RGS6: variants seen among roughly 807,000 people sequenced by gnomAD.
RGS6 encodes regulator of G-protein signaling 6.
In RGS6, 30 loss-of-function variants were observed where a neutral mutation model predicts 78.5. That is an observed-to-expected ratio of 0.38 (90% CI 0.29 to 0.52). The LOEUF (loss-of-function observed/expected upper bound fraction) is 0.52, where lower values mean the gene tolerates loss of function less well. Ranked by LOEUF, RGS6 falls within the 20% of genes least tolerant of loss-of-function variation. RGS6 has a pLI of 0.85. For synonymous variants in RGS6, 206 were observed against 206.0 expected, an observed-to-expected ratio of 1.00 and a Z score of 0.00; for missense variants, 495 against 609.7, an observed-to-expected ratio of 0.81 and a Z score of 1.98.
intron 2 of RGS6, among the ~76,000 whole-genome samples, chr14:72,212,731 A>G (rs930794237): frequency 1.3e-5 from 2 of 152,168 alleles, no homozygotes; most frequent in African/African-American, 4.8e-5. Flanking sequence ...GTGATTCTCT[A>G]GTCTTGTAGT....
the RGS6 span, among the ~76,000 whole-genome samples, chr14:72,584,925 T>C: frequency 6.6e-6 from 1 of 152,116 alleles, no homozygotes; most frequent in Non-Finnish European, 1.5e-5. Flanking sequence ...GAGGATTGCA[T>C]TGAACCAAGC....
the RGS6 span, among the ~76,000 whole-genome samples, chr14:72,605,424 G>T: frequency 6.6e-6 from 1 of 152,212 alleles, no homozygotes; most frequent in Non-Finnish European, 1.5e-5. Context: ...CTTTAATGAG[G>T]CTCACAGCTG....
chr14:72,302,788 C>A (rs1372931542), intron 2 of RGS6, among the ~76,000 whole-genome samples: 2 of 152,126 alleles, frequency 1.3e-5, no homozygotes, highest in African/African-American at 4.8e-5. Context: ...TTGGCTGTCC[C>A]CAGCCAGATC....
At chr14:72,391,397 T>C (rs1482025596) in intron 3 of RGS6, among the ~76,000 whole-genome samples, 2 of 152,212 alleles carry the variant, frequency 1.3e-5, no homozygotes, top group Non-Finnish European at 2.9e-5. Context: ...CATCATCGTA[T>C]GTGAGTTAGT....
intron 2 of RGS6, among the ~76,000 whole-genome samples, chr14:72,121,836 C>T (rs186793754): frequency 6.6e-6 from 1 of 152,234 alleles, no homozygotes; most frequent in East Asian, 1.9e-4. Flanking sequence ...TTTGTGTTCC[C>T]AGTGTCTGCA....
intron 3 of RGS6, among the ~76,000 whole-genome samples, chr14:72,380,915 C>A (rs2085912203): frequency 6.6e-6 from 1 of 152,122 alleles, no homozygotes; most frequent in South Asian, 2.1e-4. Context: ...ATGGAATCAA[C>A]CTAGGGTGTC....
At chr14:72,156,740 T>C (rs1193520685) in intron 2 of RGS6, among the ~76,000 whole-genome samples, 1 of 152,118 alleles carries the variant, frequency 6.6e-6, no homozygotes, top group Non-Finnish European at 1.5e-5. Flanking sequence ...AAAAAGCTAG[T>C]GGTATGGGCC....
At chr14:72,545,384 A>C (rs1200095961) in intron 17 of RGS6, among the ~76,000 whole-genome samples, 1 of 152,220 alleles carries the variant, frequency 6.6e-6, no homozygotes, top group African/African-American at 2.4e-5. Context: ...ACACCTCAGC[A>C]GCCCTCCTGC....
chr14:71,975,692 C>T (rs12437387), intron 2 of RGS6, among the ~76,000 whole-genome samples: 9,619 of 152,202 alleles, frequency 0.063, 449 homozygotes, highest in Middle Eastern at 0.13. Context: ...CTCTTGACCT[C>T]GTGATCCTCC....
chr14:72,351,272 A>C (rs2079063257), intron 2 of RGS6, among the ~76,000 whole-genome samples: 1 of 152,196 alleles, frequency 6.6e-6, no homozygotes, highest in Admixed American at 6.5e-5. Flanking sequence ...TTCTTTCTGT[A>C]TCCTGTTCTG....
intron 13 of RGS6, among the ~76,000 whole-genome samples, chr14:72,496,031 T>C (rs953250482): frequency 6.7e-6 from 1 of 150,052 alleles, no homozygotes; most frequent in East Asian, 2.0e-4. Context: ...GTCACTCACA[T>C]TGTCTTTCAC....
At chr14:72,370,428 T>C (rs2083267071) in intron 3 of RGS6, among the ~76,000 whole-genome samples, 2 of 152,194 alleles carry the variant, frequency 1.3e-5, no homozygotes, top group African/African-American at 4.8e-5. Flanking sequence ...GACTCTGGTA[T>C]TGACTATTAG....
intron 2 of RGS6, among the ~76,000 whole-genome samples, chr14:72,341,725 G>GA (rs2077042539): frequency 6.6e-6 from 1 of 152,212 alleles, no homozygotes; most frequent in Admixed American, 6.5e-5. Context: ...GTAGCTGTGG[G>GA]AAGCCATAGC....
At chr14:72,374,903 A>C (rs1400327165) in intron 3 of RGS6, among the ~76,000 whole-genome samples, 1 of 152,228 alleles carries the variant, frequency 6.6e-6, no homozygotes, top group Non-Finnish European at 1.5e-5. Flanking sequence ...GATTCTCAAA[A>C]AGGACTAGAA....
At chr14:72,361,879 G>A (rs963017179) in intron 3 of RGS6, among the ~76,000 whole-genome samples, 3 of 152,120 alleles carry the variant, frequency 2.0e-5, no homozygotes, top group Non-Finnish European at 4.4e-5. Context: ...GCAGTTAGTA[G>A]CAGGACAGTC....
intron 2 of RGS6, among the ~76,000 whole-genome samples, chr14:72,036,872 A>G (rs944197290): frequency 2.0e-5 from 3 of 152,134 alleles, no homozygotes; most frequent in Non-Finnish European, 4.4e-5. Flanking sequence ...TTACCCCTTT[A>G]GTTATAAAAA....
chr14:72,108,555 T>A (rs888123963), intron 2 of RGS6, among the ~76,000 whole-genome samples: 3 of 151,998 alleles, frequency 2.0e-5, no homozygotes, highest in African/African-American at 7.2e-5. Context: ...ATGTTGCATC[T>A]TACTTGTCTG....
At chr14:72,310,763 C>T (rs755371194) in intron 2 of RGS6, among the ~76,000 whole-genome samples, 13 of 152,152 alleles carry the variant, frequency 8.5e-5, no homozygotes, top group Non-Finnish European at 1.8e-4. Flanking sequence ...CACCAGCCTC[C>T]CCTGAGCCTT....
At chr14:72,214,149 G>GA (rs1048815978) in intron 2 of RGS6, among the ~76,000 whole-genome samples, 3 of 147,624 alleles carry the variant, frequency 2.0e-5, no homozygotes, top group African/African-American at 7.4e-5. Flanking sequence ...TTGGCCAGAA[G>GA]AAAAAAAACT....
Sources: allele counts gnomAD v4.1 joint callset (sites outside exome capture counted in the v4.1 genomes callset), GRCh38; gene constraint gnomAD v4.1.1; transcripts MANE v1.5; gene names NCBI Gene and HGNC (gene_info 2026-07-23, HGNC 2026-07-21).